The following GPBP1 variants were observed in gnomAD, a reference collection of about 807,000 sequenced individuals.
GPBP1 encodes GC-rich promoter binding protein 1, also known as vasculin.
In GPBP1, 13 loss-of-function variants were observed where a neutral mutation model predicts 56.5. The observed-to-expected ratio is 0.23, with a 90% confidence interval of 0.15 to 0.37. The LOEUF is 0.37. Among genes scored for constraint, GPBP1 ranks in the 10% least tolerant of loss-of-function variants. The pLI is 1.00. For synonymous variants in GPBP1, 204 were observed against 188.9 expected, an observed-to-expected ratio of 1.08 and a Z score of -0.66; for missense variants, 477 against 572.3, an observed-to-expected ratio of 0.83 and a Z score of 1.70.
At chr5:57,246,817 T>C in intron 7 of GPBP1, among the ~76,000 whole-genome samples, 1 of 152,192 alleles carries the variant, frequency 6.6e-6, no homozygotes. Context: ...TTTTTTCTTA[T>C]TCTCAAGTGA....
intron 7 of GPBP1, among the ~76,000 whole-genome samples, chr5:57,246,857 A>G (rs1334323521): frequency 1.3e-5 from 2 of 152,196 alleles, no homozygotes; most frequent in Admixed American, 1.3e-4. Flanking sequence ...AGCTTTGGAA[A>G]AATAGCAATT....
At chr5:57,194,078 A>T (rs548319267) in intron 2 of GPBP1, among the ~76,000 whole-genome samples, 1 of 152,340 alleles carries the variant, frequency 6.6e-6, no homozygotes, top group South Asian at 2.1e-4. Flanking sequence ...TTACTTAATG[A>T]ACTTAGAACA....
In GPBP1 at chr5:57,209,291, G is replaced by C. The variant is rs955581592; in HGVS notation, c.-57-4783G>C. 6.6e-5 allele frequency among the ~76,000 whole-genome samples: 10 copies of C among 151,844 alleles called. No individual in the cohort carries two copies. In the South Asian group the frequency reaches 1.9e-3, roughly 28 times the overall value. On this transcript the variant is annotated intron_variant, in intron 2 of 11. Coordinates refer to ENST00000506184, the MANE Select transcript of GPBP1 (RefSeq NM_022913.4). The stretch of plus-strand genomic sequence containing the variant: ...ATTTTACTTTTTCCTTCCCAATTTG[G>C]ATGCCATTTAAAAAAATACGACACT...
At chr5:57,259,407 A>C (rs1347457057) in intron 10 of GPBP1, among the ~76,000 whole-genome samples, 1 of 152,238 alleles carries the variant, frequency 6.6e-6, no homozygotes, top group African/African-American at 2.4e-5. Flanking sequence ...GTAGGTGTAA[A>C]TAAGAGGGGA....
chr5:57,229,950 C>CCCGTCCCGTCCCGTT (rs1318137046), intron 3 of GPBP1, among the ~76,000 whole-genome samples: 1 of 149,258 alleles, frequency 6.7e-6, no homozygotes, highest in Non-Finnish European at 1.5e-5. Context: ...CGCGTCCCGT[C>CCCGTCCCGTCCCGTT]CCGTCCCGTC....
In GPBP1 at chr5:57,231,197, G is replaced by C; in HGVS notation, c.287G>C (p.Arg96Pro). ...HRGGYHGGSS[R>P]SRSSIFHAGK... ...GGTGGATACCATGGTGGAAGTTCCCGTTCTCGTAGCAGTATTTTCCATGCA... is the reference window on the plus strand; with the variant it reads ...GGTGGATACCATGGTGGAAGTTCCCCTTCTCGTAGCAGTATTTTCCATGCA... The change falls in exon 5 of 12, where the codon CGT (arginine) becomes CCT (proline). Residue 96 changes from arginine (R) to proline (P), a missense_variant. Physicochemically the swap from Arg to Pro is moderately radical, Grantham distance 103 (BLOSUM62 -2). Transcript: ENST00000506184. The C allele has an allele frequency of 6.2e-7, 1 of 1,614,098 alleles. No individual in the cohort carries two copies. The highest frequency in any genetic ancestry group is 8.5e-7 in the Non-Finnish European group (1 of 1,179,964).
intron 3 of GPBP1, among the ~76,000 whole-genome samples, chr5:57,218,324 C>T (rs957651416): frequency 1.3e-5 from 2 of 152,208 alleles, no homozygotes; most frequent in African/African-American, 4.8e-5. Context: ...TCACTGGTTA[C>T]AAACCAGGAT....
intron 6 of GPBP1, among the ~76,000 whole-genome samples, chr5:57,240,729 C>A (rs954277577): frequency 1.3e-5 from 2 of 152,086 alleles, no homozygotes; most frequent in Non-Finnish European, 2.9e-5. Flanking sequence ...AATCCCAGCA[C>A]TTTGGGAGGC....
chr5:57,250,915 A>G (rs1210176024), intron 9 of GPBP1, 39 bp from the exon 10 acceptor site: 4 of 1,286,382 alleles, frequency 3.1e-6, no homozygotes, highest in Non-Finnish European at 4.3e-6. Context: ...ATTCTGTAGA[A>G]CTCATTCTTT....
chr5:57,187,624 A>G (rs755114750), intron 2 of GPBP1, among the ~76,000 whole-genome samples: 4 of 152,218 alleles, frequency 2.6e-5, no homozygotes, highest in Admixed American at 2.0e-4. Flanking sequence ...TATAATAGCT[A>G]TGTGATATTG....
In GPBP1 at chr5:57,235,922, A is replaced by G. The variant is rs369070836; in HGVS notation, c.412-44A>G. On this transcript the variant is annotated intron_variant, in intron 5 of 11. Transcript: ENST00000506184. ...ATGATTCTGAGATTGGTTTTAAATGATTTATTTTTAAAATGTGAAATGTTT... is the reference window on the plus strand; with the variant it reads ...ATGATTCTGAGATTGGTTTTAAATGGTTTATTTTTAAAATGTGAAATGTTT... 1.1e-5 allele frequency: 15 copies of G among 1,372,588 alleles called. No individual in the cohort carries two copies. The African/African-American group carries it at 2.1e-4, about 20-fold the overall frequency. The allele number at this position is 1,372,588 out of a possible 1,614,324, so 85.0% of individuals were successfully genotyped here.
At chr5:57,245,302 C>G (rs1160420911) in intron 6 of GPBP1, among the ~76,000 whole-genome samples, 14 of 152,156 alleles carry the variant, frequency 9.2e-5, no homozygotes, top group Non-Finnish European at 2.1e-4. Context: ...ATAGGTGAAG[C>G]ACCATACCGG....
In GPBP1 at chr5:57,176,262, CTA is replaced by C. The variant is rs1182410118; in HGVS notation, c.-194_-193del. 5 of 365,848 alleles carry C rather than the reference CTA, an allele frequency of 1.4e-5. No homozygotes were observed. The highest frequency in any genetic ancestry group is 2.4e-5 in the Non-Finnish European group (5 of 206,678). 22.7% of individuals were successfully genotyped at this position (365,848 alleles called of 1,614,324 possible). A position where few individuals can be genotyped will look rare whatever the true frequency, so the allele number is the denominator to read the frequency against. On this transcript the variant is annotated 5_prime_UTR_variant, in exon 2 of 12. The change abolishes an upstream ATG in the 5' untranslated region. Coordinates refer to ENST00000506184, the MANE Select transcript of GPBP1 (RefSeq NM_022913.4). ...TATGGGTAGCTGACTTGAAGTAACT[CTA>C]TGTCAAATAGTCGTAGGTTAAGTAT...
At chr5:57,225,992 A>G (rs1756171615) in intron 3 of GPBP1, among the ~76,000 whole-genome samples, 1 of 152,358 alleles carries the variant, frequency 6.6e-6, no homozygotes, top group African/African-American at 2.4e-5. Context: ...CTGAGGCTCC[A>G]GTTACTTTGA....
chr5:57,256,445 CAG>C (rs1464818332), intron 10 of GPBP1, among the ~76,000 whole-genome samples: 1 of 151,960 alleles, frequency 6.6e-6, no homozygotes, highest in Non-Finnish European at 1.5e-5. Context: ...CTTTTTAAAA[CAG>C]TGGATACTTT....
intron 2 of GPBP1, among the ~76,000 whole-genome samples, chr5:57,210,525 C>G (rs73127767): frequency 0.031 from 4,716 of 152,194 alleles, 257 homozygotes; most frequent in African/African-American, 0.11. Context: ...GTTAGTAGGA[C>G]TGTTGATTTG....
At chr5:57,192,232 A>G (rs1579985770) in intron 2 of GPBP1, among the ~76,000 whole-genome samples, 1 of 151,966 alleles carries the variant, frequency 6.6e-6, no homozygotes, top group East Asian at 1.9e-4. Context: ...GGGTGCCTTA[A>G]TTTTTTTCTT....
intron 2 of GPBP1, among the ~76,000 whole-genome samples, chr5:57,198,287 A>C (rs1328397975): frequency 1.3e-5 from 2 of 152,056 alleles, no homozygotes; most frequent in Non-Finnish European, 2.9e-5. Flanking sequence ...TTATGCTTTC[A>C]TTTATGTCAT....
chr5:57,240,440 A>C (rs1202528508), intron 6 of GPBP1, among the ~76,000 whole-genome samples: 1 of 152,204 alleles, frequency 6.6e-6, no homozygotes, highest in Non-Finnish European at 1.5e-5. Flanking sequence ...CTCTTACCCC[A>C]ACCATTCAGT....
Sources: gnomAD v4.1 joint callset for allele counts (sites outside exome capture counted in the v4.1 genomes callset) on GRCh38, gnomAD v4.1.1 for gene constraint, MANE v1.5 for transcripts, NCBI Gene and HGNC (gene_info 2026-07-23, HGNC 2026-07-21) for gene names.